The following EXOC2 variants were observed in gnomAD, a reference collection of about 807,000 sequenced individuals.
EXOC2 encodes exocyst complex component 2, also known as SEC5-like 1.
A neutral mutation model predicts 131.8 loss-of-function variants in EXOC2; 70 were observed. That is an observed-to-expected ratio of 0.53 (90% CI 0.44 to 0.65). The LOEUF is 0.65. EXOC2 is among the 30% of genes least tolerant of loss of function. The probability of loss-of-function intolerance (pLI) is 0.00; values close to 1 mark genes in which losing one functional copy is unlikely to be tolerated. For missense variants in EXOC2, 923 were observed against 1,108.6 expected, an observed-to-expected ratio of 0.83 and a Z score of 2.38; for synonymous variants, 411 against 398.4, an observed-to-expected ratio of 1.03 and a Z score of -0.38.
chr6:494,223 A>G (rs1763592621), intron 25 of EXOC2, among the ~76,000 whole-genome samples: 1 of 152,242 alleles, frequency 6.6e-6, no homozygotes, highest in Admixed American at 6.5e-5. Context: ...CAAATTAACA[A>G]GTGCTCTCTG....
At chr6:656,680 G>A (rs756796060) in intron 1 of EXOC2, 9 of 1,606,670 alleles carry the variant, frequency 5.6e-6, no homozygotes, top group Non-Finnish European at 7.6e-6. Flanking sequence ...CTCGCCGCCC[G>A]GGACAGGTGC....
intron 21 of EXOC2, among the ~76,000 whole-genome samples, chr6:553,021 G>T (rs1024909084): frequency 1.3e-5 from 2 of 152,254 alleles, no homozygotes; most frequent in African/African-American, 2.4e-5. Flanking sequence ...GGGCTGAAGC[G>T]ATTCTCCTGC....
intron 23 of EXOC2, among the ~76,000 whole-genome samples, chr6:512,034 T>A (rs1174825765): frequency 6.6e-6 from 1 of 152,226 alleles, no homozygotes; most frequent in African/African-American, 2.4e-5. Flanking sequence ...AAACTCTCCC[T>A]CATGGGTTGG....
chr6:569,841 T>C (rs1304291621), intron 13 of EXOC2, among the ~76,000 whole-genome samples: 1 of 152,242 alleles, frequency 6.6e-6, no homozygotes, highest in Non-Finnish European at 1.5e-5. Context: ...CATTTCACCA[T>C]TAATGTTGTG....
intron 1 of EXOC2, chr6:668,990 A>T (rs1763740134): frequency 6.6e-6 from 1 of 152,128 alleles, no homozygotes; most frequent in African/African-American, 2.4e-5. Flanking sequence ...TTTTTTACTT[A>T]CTTGGTGCTA....
chr6:631,588 T>C (rs557968347), intron 3 of EXOC2, among the ~76,000 whole-genome samples: 2 of 152,134 alleles, frequency 1.3e-5, no homozygotes, highest in Non-Finnish European at 2.9e-5. Flanking sequence ...AAGCCTACTA[T>C]GTGCTAGGTC....
At chr6:488,013 A>G (rs1763182138) in intron 27 of EXOC2, among the ~76,000 whole-genome samples, 1 of 152,194 alleles carries the variant, frequency 6.6e-6, no homozygotes, top group African/African-American at 2.4e-5. Flanking sequence ...AACCAATTCA[A>G]ATAGAGGATG....
At chr6:588,136 A>G (rs1663131682) in intron 11 of EXOC2, among the ~76,000 whole-genome samples, 1 of 152,144 alleles carries the variant, frequency 6.6e-6, no homozygotes, top group South Asian at 2.1e-4. Flanking sequence ...ATCGCTTCTG[A>G]CCTAAGTTCA....
At chr6:510,439 T>C (rs1283109484) in intron 23 of EXOC2, among the ~76,000 whole-genome samples, 3 of 152,144 alleles carry the variant, frequency 2.0e-5, no homozygotes, top group Non-Finnish European at 2.9e-5. Context: ...TCAATCTCAA[T>C]AGGAAAACTC....
intron 1 of EXOC2, among the ~76,000 whole-genome samples, chr6:644,522 G>C (rs1202101484): frequency 6.6e-6 from 1 of 151,936 alleles, no homozygotes; most frequent in African/African-American, 2.4e-5. Context: ...GCGAATTAAA[G>C]AAATAAAAAG....
intron 1 of EXOC2, among the ~76,000 whole-genome samples, chr6:640,420 G>GAA (rs1333925642): frequency 6.6e-6 from 1 of 152,096 alleles, no homozygotes; most frequent in East Asian, 1.9e-4. Context: ...AGACAAACAA[G>GAA]AAAAAAACAC....
intron 1 of EXOC2, among the ~76,000 whole-genome samples, chr6:682,802 A>G (rs191990891): frequency 1.3e-5 from 2 of 152,322 alleles, no homozygotes; most frequent in African/African-American, 4.8e-5. Flanking sequence ...GGACTTAGAT[A>G]ATGGTGATGG....
At chr6:490,924 AT>A (rs2127467767) in intron 26 of EXOC2, among the ~76,000 whole-genome samples, 200 bp downstream of exon 26, 1 of 152,292 alleles carries the variant, frequency 6.6e-6, no homozygotes, top group East Asian at 1.9e-4. Flanking sequence ...TAAGACTAAG[AT>A]TTGTCAGTAG....
chr6:598,698 A>T (rs1759959264), intron 9 of EXOC2, among the ~76,000 whole-genome samples, 162 bp downstream of exon 9: 1 of 152,246 alleles, frequency 6.6e-6, no homozygotes, highest in African/African-American at 2.4e-5. Context: ...GTATCAAATA[A>T]GAAAAGTCAT....
chr6:652,059 A>G (rs1042580727), intron 1 of EXOC2, among the ~76,000 whole-genome samples: 4 of 152,040 alleles, frequency 2.6e-5, no homozygotes, highest in African/African-American at 4.8e-5. Context: ...CCATCTCAAA[A>G]AAAAAAAAAA....
At chr6:537,185 C>T (rs1381150005) in intron 22 of EXOC2, among the ~76,000 whole-genome samples, 3 of 151,970 alleles carry the variant, frequency 2.0e-5, no homozygotes, top group African/African-American at 4.8e-5. Flanking sequence ...AGTTGACGAC[C>T]GACGGAGCGT....
intron 1 of EXOC2, among the ~76,000 whole-genome samples, chr6:687,815 T>C (rs1299956522): frequency 6.6e-6 from 1 of 152,238 alleles, no homozygotes; most frequent in Non-Finnish European, 1.5e-5. Context: ...TACAAACAAC[T>C]ATTTTAAGAA....
At chr6:569,548 A>C (rs1456688143) in intron 13 of EXOC2, among the ~76,000 whole-genome samples, 1 of 152,246 alleles carries the variant, frequency 6.6e-6, no homozygotes, top group Non-Finnish European at 1.5e-5. Context: ...ATAGCTATCA[A>C]AAGCCCCAGA....
intron 25 of EXOC2, among the ~76,000 whole-genome samples, chr6:491,848 T>C (rs1020003577): frequency 9.2e-5 from 14 of 152,228 alleles, no homozygotes; most frequent in African/African-American, 1.2e-4. Flanking sequence ...TATTTAAATA[T>C]TGTATACCCT....
Sources: allele counts gnomAD v4.1 joint callset (sites outside exome capture counted in the v4.1 genomes callset), GRCh38; gene constraint gnomAD v4.1.1; transcripts MANE v1.5; gene names NCBI Gene and HGNC (gene_info 2026-07-23, HGNC 2026-07-21).